Variants in ETV6 observed in about 807,000 individuals in gnomAD.
The protein encoded by ETV6 is transcription factor ETV6.
ETV6 carries 16 observed loss-of-function variants against 51.1 expected under a neutral mutation model. The ratio of observed to expected loss-of-function variants is 0.31; its 90% CI spans 0.21 to 0.48. The LOEUF (loss-of-function observed/expected upper bound fraction) is 0.48, where lower values mean the gene tolerates loss of function less well. Ranked by LOEUF, ETV6 falls within the 20% of genes least tolerant of loss-of-function variation. ETV6 has a pLI of 0.99. For missense variants in ETV6, 458 were observed against 594.8 expected (o/e 0.77, Z 2.39); for synonymous variants, 240 against 224.1 (o/e 1.07, Z -0.64).
At chr12:11,652,609 A>G (rs951910535) in intron 1 of ETV6, among the ~76,000 whole-genome samples, 13 of 151,926 alleles carry the variant, frequency 8.6e-5, no homozygotes, top group Admixed American at 4.6e-4. Flanking sequence ...CCTCCTCTCC[A>G]CTCCTGAAAC....
intron 4 of ETV6, among the ~76,000 whole-genome samples, chr12:11,856,102 T>G (rs1946629273): frequency 6.6e-6 from 1 of 152,208 alleles, no homozygotes; most frequent in Non-Finnish European, 1.5e-5. Flanking sequence ...AGATCCTTCC[T>G]CTTTTCCCTT....
chr12:11,742,783 C>A (rs1865832268), intron 1 of ETV6, among the ~76,000 whole-genome samples: 1 of 149,138 alleles, frequency 6.7e-6, no homozygotes, highest in Non-Finnish European at 1.5e-5. Context: ...TAAGCTTCAT[C>A]TCATTTTTCT....
At chr12:11,686,105 A>T (rs1864623507) in intron 1 of ETV6, among the ~76,000 whole-genome samples, 1 of 152,232 alleles carries the variant, frequency 6.6e-6, no homozygotes, top group African/African-American at 2.4e-5. Flanking sequence ...CTTACTCCTG[A>T]AAAAGGTGCT....
At chr12:11,749,868 G>C (rs1260856098) in intron 1 of ETV6, among the ~76,000 whole-genome samples, 2 of 152,168 alleles carry the variant, frequency 1.3e-5, no homozygotes, top group Non-Finnish European at 2.9e-5. Context: ...GGCCCTAGAA[G>C]CACATTGTGC....
intron 2 of ETV6, among the ~76,000 whole-genome samples, chr12:11,785,024 T>C (rs544217883): frequency 6.6e-6 from 1 of 152,148 alleles, no homozygotes; most frequent in South Asian, 2.1e-4. Context: ...TGGCTTGTAT[T>C]AATAATTTGC....
intron 2 of ETV6, among the ~76,000 whole-genome samples, chr12:11,819,818 G>A (rs1946050045): frequency 6.6e-6 from 1 of 152,186 alleles, no homozygotes. Context: ...GCCTCTGACT[G>A]GCCGCCTTGT....
At chr12:11,657,071 C>G (rs1333809416) in intron 1 of ETV6, among the ~76,000 whole-genome samples, 3 of 152,118 alleles carry the variant, frequency 2.0e-5, no homozygotes, top group Non-Finnish European at 4.4e-5. Flanking sequence ...TGACTTTATA[C>G]ATTTCTGATT....
intron 1 of ETV6, among the ~76,000 whole-genome samples, chr12:11,705,556 G>A (rs1865058927): frequency 6.6e-6 from 1 of 152,200 alleles, no homozygotes; most frequent in South Asian, 2.1e-4. Context: ...ACTTGATTTA[G>A]TCTGGTCTAG....
At position 11,811,717 on chromosome 12, in the gene ETV6, A is replaced by G. The variant is rs73052040; in HGVS notation, c.164-27423A>G. ...CATTTCTGAGTGCCTGCTAAGGTCC[A>G]GCACTTTTCACACGTAAAATTTTCA... On this transcript the variant is annotated intron_variant, in intron 2 of 7. Coordinates refer to ENST00000396373, the MANE Select transcript of ETV6 (RefSeq NM_001987.5). Among the ~76,000 whole-genome samples the G allele has an allele frequency of 3.0e-3, 450 of 152,294 alleles. 3 individuals are homozygous for G. The highest frequency in any genetic ancestry group is 3.0e-3 in the Non-Finnish European group (207 of 68,014).
At chr12:11,804,235 G>A (rs1024102315) in intron 2 of ETV6, among the ~76,000 whole-genome samples, 4 of 152,120 alleles carry the variant, frequency 2.6e-5, no homozygotes, top group Admixed American at 2.0e-4. Flanking sequence ...ATTCACACTA[G>A]CCAGAGAGCA....
At chr12:11,728,119 C>T (rs1298695821) in intron 1 of ETV6, among the ~76,000 whole-genome samples, 4 of 152,228 alleles carry the variant, frequency 2.6e-5, no homozygotes, top group Non-Finnish European at 4.4e-5. Flanking sequence ...CGCTCCCCGG[C>T]CTCCCCTTCT....
intron 2 of ETV6, among the ~76,000 whole-genome samples, chr12:11,816,620 A>G (rs942752473): frequency 1.3e-5 from 2 of 152,152 alleles, no homozygotes; most frequent in African/African-American, 2.4e-5. Flanking sequence ...TTTATTGGAT[A>G]GAGGAGAGAC....
At position 11,813,758 on chromosome 12, in the gene ETV6, A is replaced by G. The variant is rs141289761; in HGVS notation, c.164-25382A>G. 2.7e-3 allele frequency among the ~76,000 whole-genome samples: 417 copies of G among 152,352 alleles called. 2 individuals are homozygous for G. The highest frequency in any genetic ancestry group is 4.2e-3 in the Non-Finnish European group (287 of 68,042). Reference sequence around the variant, plus strand: ...TTGTGATATGCACTTGCAGAGTTGCATATTGTTCCTTGGATTTAGGACAGG... The same window carrying G: ...TTGTGATATGCACTTGCAGAGTTGCGTATTGTTCCTTGGATTTAGGACAGG... On this transcript the variant is annotated intron_variant, in intron 2 of 7. Coordinates refer to ENST00000396373, the MANE Select transcript of ETV6 (RefSeq NM_001987.5).
In ETV6 at chr12:11,668,625, CGGAGAA is replaced by C. The variant is rs1439320418; in HGVS notation, c.33+18468_33+18473del. On this transcript the variant is annotated intron_variant, in intron 1 of 7. Transcript: ENST00000396373. ...CGATTTTTATGATCCCTGGCTGGGTCGGAGAAGGGCTAGTTAGTATGTTTTTCTTTC... is the reference window on the plus strand; with the variant it reads ...CGATTTTTATGATCCCTGGCTGGGTCGGGCTAGTTAGTATGTTTTTCTTTC... 2.0e-5 allele frequency among the ~76,000 whole-genome samples: 3 copies of C among 152,204 alleles called. No individual in the cohort carries two copies. The East Asian group carries it at 5.8e-4, about 29-fold the overall frequency.
chr12:11,880,562 A>G (rs1420690284), intron 5 of ETV6, among the ~76,000 whole-genome samples: 1 of 152,202 alleles, frequency 6.6e-6, no homozygotes, highest in Non-Finnish European at 1.5e-5. Flanking sequence ...AGAATGTACC[A>G]TTACAGTAAA....
chr12:11,730,423 A>G (rs897709032), intron 1 of ETV6, among the ~76,000 whole-genome samples: 1 of 152,232 alleles, frequency 6.6e-6, no homozygotes, highest in Non-Finnish European at 1.5e-5. Context: ...TGCCAAGCTC[A>G]AGGAAGCCAA....
intron 1 of ETV6, among the ~76,000 whole-genome samples, chr12:11,733,161 C>G (rs1865634125): frequency 6.6e-6 from 1 of 152,162 alleles, no homozygotes; most frequent in Non-Finnish European, 1.5e-5. Context: ...GTAATTGCAG[C>G]ACTTTGGGAG....
chr12:11,690,500 A>G (rs949566376), intron 1 of ETV6, among the ~76,000 whole-genome samples: 4 of 151,976 alleles, frequency 2.6e-5, no homozygotes, highest in African/African-American at 9.7e-5. Context: ...CTGAGGTGGG[A>G]GAATCACTTG....
chr12:11,894,234 G>C lies in ETV6; in HGVS notation c.*3188G>C, dbSNP rs1480823159. The C allele has an allele frequency of 4.3e-6, 1 of 232,444 alleles. No homozygotes were observed. The highest frequency in any genetic ancestry group is 8.5e-6 in the Non-Finnish European group (1 of 117,618). The allele number at this position is 232,444 out of a possible 1,614,324, so 14.4% of individuals were successfully genotyped here. A position where few individuals can be genotyped will look rare whatever the true frequency, so the allele number is the denominator to read the frequency against. ...CACTAAGTACTAGGGGTGTTGTCAGGAGACAAATCTGAAGTCAGGAGAGGA... is the reference window on the plus strand; with the variant it reads ...CACTAAGTACTAGGGGTGTTGTCAGCAGACAAATCTGAAGTCAGGAGAGGA... On this transcript the variant is annotated 3_prime_UTR_variant, in exon 8 of 8. Transcript: ENST00000396373.
Sources: allele counts gnomAD v4.1 joint callset (sites outside exome capture counted in the v4.1 genomes callset), GRCh38; gene constraint gnomAD v4.1.1; transcripts MANE v1.5; gene names NCBI Gene and HGNC (gene_info 2026-07-23, HGNC 2026-07-21).